Variants in TYMS observed in about 807,000 individuals in gnomAD.
The protein encoded by TYMS is thymidylate synthetase.
A neutral mutation model predicts 39.3 loss-of-function variants in TYMS; 21 were observed. The ratio of observed to expected loss-of-function variants is 0.54; its 90% CI spans 0.38 to 0.77. The LOEUF is 0.77. TYMS is among the 30% of genes least tolerant of loss of function. The probability of loss-of-function intolerance (pLI) is 0.00; values close to 1 mark genes in which losing one functional copy is unlikely to be tolerated. For synonymous variants in TYMS, 171 were observed against 162.2 expected (o/e 1.05, Z -0.41); for missense variants, 273 against 406.7 (o/e 0.67, Z 2.83).
Position 671,366 on chromosome 18 carries a change from C to T in TYMS, c.733-14C>T, listed in dbSNP as rs374204756. ...AACTAACATACTGTTCTGCTTTCTC[C>T]CCCGGGTTTATAGCCAGGTGACTTT... is the stretch of plus-strand genomic sequence containing the variant. On this transcript the variant is annotated splice_polypyrimidine_tract_variant and intron_variant, in intron 5 of 6. Coordinates refer to ENST00000323274, the MANE Select transcript of TYMS (RefSeq NM_001071.4). 1.2e-5 allele frequency: 19 copies of T among 1,578,888 alleles called. No individual in the cohort carries two copies. In the African/African-American group the frequency reaches 2.3e-4, roughly 19 times the overall value.
In TYMS at chr18:661,743, C is replaced by T. The variant is rs150960666; in HGVS notation, c.280-403C>T. Among the ~76,000 whole-genome samples the T allele has an allele frequency of 1.9e-4, 29 of 152,288 alleles. No homozygotes were observed. In the East Asian group the frequency reaches 5.2e-3, roughly 27 times the overall value. ...GCTCACGCCTGTAATCCCAGCACTT[C>T]GGGAGGCCGAAGTGGGCGGATCACC... is the stretch of plus-strand genomic sequence containing the variant. On this transcript the variant is annotated intron_variant, in intron 2 of 6. Coordinates refer to ENST00000323274, the MANE Select transcript of TYMS (RefSeq NM_001071.4).
chr18:665,973 G>GA (rs1421852367), intron 3 of TYMS, among the ~76,000 whole-genome samples: 2 of 97,464 alleles, frequency 2.1e-5, no homozygotes, highest in Non-Finnish European at 3.8e-5. Context: ...GTGCGGTGCT[G>GA]AAAAAAATGT....
chr18:659,818 G>A lies in TYMS; in HGVS notation c.279+104G>A, dbSNP rs373651094. The A allele has an allele frequency of 5.4e-4, 548 of 1,020,394 alleles. 7 individuals are homozygous for A. In the South Asian group the frequency reaches 6.8e-3, roughly 13 times the overall value. The allele number at this position is 1,020,394 out of a possible 1,614,324, so 63.2% of individuals were successfully genotyped here. A position where few individuals can be genotyped will look rare whatever the true frequency, so the allele number is the denominator to read the frequency against. ...CAGCCAGGTGTGGTGGCTCACGCCT[G>A]TAATCCCACCACTTTGGGAGGCTGA... On this transcript the variant is annotated intron_variant, in intron 2 of 6. Transcript: ENST00000323274.
At chr18:667,163 ATGG>A (rs1307762879) in intron 3 of TYMS, among the ~76,000 whole-genome samples, 2 of 91,362 alleles carry the variant, frequency 2.2e-5, no homozygotes, top group Non-Finnish European at 4.1e-5. Context: ...GGTGATGGAG[ATGG>A]TGATGGTGAT....
chr18:670,559 C>G, intron 4 of TYMS, 133 bp from the exon 5 acceptor site: 1 of 923,994 alleles, frequency 1.1e-6, no homozygotes, highest in East Asian at 2.5e-5. Context: ...ATGGACATCA[C>G]TGCAGCCCAG....
At chr18:661,636 G>A (rs572497285) in intron 2 of TYMS, among the ~76,000 whole-genome samples, 2 of 152,354 alleles carry the variant, frequency 1.3e-5, no homozygotes, top group South Asian at 4.1e-4. Context: ...TTCCAAAGAA[G>A]GGATCAGACT....
chr18:667,041 TGATGGTGATGGA>T (rs2074848331), intron 3 of TYMS, among the ~76,000 whole-genome samples: 2 of 20,792 alleles, frequency 9.6e-5, no homozygotes, highest in Admixed American at 4.5e-4. Flanking sequence ...ATGGAGATGG[TGATGGTGATGGA>T]GATGGAGATG....
At chr18:669,737 G>A (rs1480236112) in intron 4 of TYMS, among the ~76,000 whole-genome samples, 1 of 151,208 alleles carries the variant, frequency 6.6e-6, no homozygotes, top group Non-Finnish European at 1.5e-5. Flanking sequence ...AATGGAAGCA[G>A]ATGAAGTTCC....
In TYMS at chr18:667,450, ATGGTGAT is replaced by A. The variant is rs1567990630; in HGVS notation, c.455-1621_455-1615del. On this transcript the variant is annotated intron_variant, in intron 3 of 6. Coordinates refer to ENST00000323274, the MANE Select transcript of TYMS (RefSeq NM_001071.4). ...GATGGAGATGGTGATGGTGATGGTG[ATGGTGAT>A]GATGGAGATGGTGATGGTGATGGTG... 5.3e-3 allele frequency among the ~76,000 whole-genome samples: 6 copies of A among 1,138 alleles called. 3 individuals are homozygous for A. Among genetic ancestry groups the A allele is most frequent in the Non-Finnish European group, 6.1e-3 (4 of 656 alleles). The allele number at this position is 1,138 out of a possible 152,430, so 0.7% of individuals were successfully genotyped here.
chr18:660,647 C>A lies in TYMS; in HGVS notation c.279+933C>A, dbSNP rs28503425. Among the ~76,000 whole-genome samples, 19,092 of 152,158 alleles carry A rather than the reference C, an allele frequency of 0.13. 1,295 individuals are homozygous for A. Among genetic ancestry groups the A allele is most frequent in the Non-Finnish European group, 0.15 (10,027 of 67,996 alleles). On this transcript the variant is annotated intron_variant, in intron 2 of 6. Transcript: ENST00000323274. This position sits in a 1 kb window ranked among gnomAD's most constrained non-coding sequence, Gnocchi z 4.6. ...GAGTCTCTTCAGTAACAAGGTGAAC[C>A]CCTTCCAGAGGGCTGAGTAGGTACC...
chr18:665,049 G>A (rs1329000951), intron 3 of TYMS, among the ~76,000 whole-genome samples: 10 of 152,096 alleles, frequency 6.6e-5, no homozygotes, highest in African/African-American at 1.9e-4. Context: ...AGTTAGGGAG[G>A]ATTCCCTCTT....
In TYMS at chr18:662,206, T is replaced by A; in HGVS notation, c.340T>A (p.Ser114Thr). Reference sequence around the variant, plus strand: ...AGTGAAAATCTGGGATGCCAATGGATCCCGAGACTTTTTGGACAGCCTGGG... The same window carrying A: ...AGTGAAAATCTGGGATGCCAATGGAACCCGAGACTTTTTGGACAGCCTGGG... ...KGVKIWDANG[S>T]RDFLDSLGFS... is the part of the protein sequence containing the mutation. Residue 114 changes from serine (S) to threonine (T), a missense_variant, in exon 3 of 7, where the codon TCC (serine) becomes ACC (threonine). This residue lies in a region of TYMS where 228 missense variants were observed against 326.1 expected (regional missense o/e 0.70). Transcript: ENST00000323274. 6.2e-7 allele frequency: 1 copy of A among 1,613,820 alleles called. No individual in the cohort carries two copies. Among genetic ancestry groups the A allele is most frequent in the East Asian group, 2.2e-5 (1 of 44,832 alleles).
At chr18:670,891 C>T in intron 5 of TYMS, 24 bp downstream of exon 5, 1 of 1,612,560 alleles carries the variant, frequency 6.2e-7, no homozygotes. Flanking sequence ...GGAAGGGTGA[C>T]TTGCCAGCCT....
Position 671,416 on chromosome 18 carries a change from A to AT in TYMS, c.772dup (p.Tyr258LeufsTer29). 6.2e-7 allele frequency: 1 copy of AT among 1,613,072 alleles called. No homozygotes were observed. Among genetic ancestry groups the AT allele is most frequent in the Non-Finnish European group, 8.5e-7 (1 of 1,179,514 alleles). ...TATACACACTTTGGGAGATGCACATATTTACCTGAATCACATCGAGCCACT... is the reference window on the plus strand; with the variant it reads ...TATACACACTTTGGGAGATGCACATATTTTACCTGAATCACATCGAGCCACT... On this transcript the variant is annotated frameshift_variant, in exon 6 of 7. Transcript: ENST00000323274. LOFTEE classifies it high-confidence loss of function.
chr18:662,679 A>G (rs1454386068), intron 3 of TYMS, among the ~76,000 whole-genome samples: 3 of 149,064 alleles, frequency 2.0e-5, no homozygotes, highest in Non-Finnish European at 4.5e-5. Flanking sequence ...CCCACCCCAC[A>G]ACAGTCCCCA....
At chr18:670,901 T>A in intron 5 of TYMS, 34 bp downstream of exon 5, 1 of 1,610,786 alleles carries the variant, frequency 6.2e-7, no homozygotes, top group Non-Finnish European at 8.5e-7. Context: ...CTTGCCAGCC[T>A]ACCACACTGA....
chr18:662,370 T>C (rs2612095), intron 3 of TYMS, 50 bp downstream of exon 3: 736,932 of 1,521,342 alleles, frequency 0.48, 184,110 homozygotes, highest in African/African-American at 0.78. Flanking sequence ...CTTCCTAGCA[T>C]GTGTTTGCTC....
chr18:657,715 C>CCTGCCTCCGTCCCGCCGCGCCACTTCGT lies in TYMS; in HGVS notation c.-15_-14insGCCGCGCCACTTCGTCTGCCTCCGTCCC. 7.7e-7 allele frequency: 1 copy of CCTGCCTCCGTCCCGCCGCGCCACTTCGT among 1,290,808 alleles called. No homozygotes were observed. The allele number at this position is 1,290,808 out of a possible 1,614,324, so 80.0% of individuals were successfully genotyped here. Reference sequence around the variant, plus strand: ...GCCTCCGTCCCGCCGCGCCACTTCGCCTGCCTCCGTCCCCCGCCCGCCGCG... The same window carrying CCTGCCTCCGTCCCGCCGCGCCACTTCGT: ...GCCTCCGTCCCGCCGCGCCACTTCGCCTGCCTCCGTCCCGCCGCGCCACTTCGTCTGCCTCCGTCCCCCGCCCGCCGCG... On this transcript the variant is annotated 5_prime_UTR_variant, in exon 1 of 7. Transcript: ENST00000323274.
intron 3 of TYMS, among the ~76,000 whole-genome samples, chr18:668,513 C>T (rs1369144559): frequency 3.3e-5 from 5 of 152,050 alleles, no homozygotes; most frequent in African/African-American, 9.7e-5. Flanking sequence ...CCAAGTCAGT[C>T]GTGTGTTGAG....
Sources: allele counts gnomAD v4.1 joint callset (sites outside exome capture counted in the v4.1 genomes callset), GRCh38; gene constraint gnomAD v4.1.1; regional missense constraint gnomAD v4.1.1; non-coding constraint Gnocchi (gnomAD v3.1); transcripts MANE v1.5; gene names NCBI Gene and HGNC (gene_info 2026-07-23, HGNC 2026-07-21).